Variants in POU6F2 observed in about 807,000 individuals in gnomAD.
POU6F2 encodes the protein POU domain, class 6, transcription factor 2.
POU6F2 carries 31 observed loss-of-function variants against 71.3 expected under a neutral mutation model. The observed-to-expected ratio is 0.43, with a 90% CI of 0.33 to 0.59. The LOEUF is 0.59. POU6F2 is among the 20% of genes least tolerant of loss of function. The pLI is 0.04. For missense variants in POU6F2, 783 were observed against 856.8 expected (o/e 0.91, Z 1.07); for synonymous variants, 347 against 355.7 (o/e 0.98, Z 0.27).
intron 2 of POU6F2, among the ~76,000 whole-genome samples, chr7:39,154,247 C>G (rs1792817748): frequency 6.6e-6 from 1 of 152,162 alleles, no homozygotes; most frequent in East Asian, 1.9e-4. Flanking sequence ...TGCTGGGCAT[C>G]TAAGACAGTA....
Position 39,085,864 on chromosome 7 carries a change from C to T in POU6F2, c.110C>T (p.Pro37Leu). Residue 37 changes from proline (P) to leucine (L), a missense_variant, in exon 2 of 10, where the codon CCA (proline) becomes CTA (leucine). Physicochemically the swap from Pro to Leu is moderately conservative, Grantham distance 98. Around this residue, in one of 2 missense-constraint regions of POU6F2, gnomAD observed 572 missense variants for 572.9 expected, o/e 1.00. Coordinates refer to ENST00000518318, the MANE Select transcript of POU6F2 (RefSeq NM_001370959.1). ...GTMQAVIGQD[P>L]MIAGQVSKPL... is the part of the protein sequence containing the mutation. ...CACTCTTTTCGCCCATCCTAGGATC[C>T]AATGATAGCTGGACAAGTCAGTAAG... 1.2e-6 allele frequency: 2 copies of T among 1,613,284 alleles called. No individual in the cohort carries two copies. The highest frequency in any genetic ancestry group is 1.7e-6 in the Non-Finnish European group (2 of 1,179,644).
rs896885810 is a variant in POU6F2, at chr7:39,466,242, A to T, written c.*1556A>T. 7.9e-5 allele frequency: 12 copies of T among 152,210 alleles called. No homozygotes were observed. The highest frequency in any genetic ancestry group is 7.2e-5 in the African/African-American group (3 of 41,452). 9.4% of individuals were successfully genotyped at this position (152,210 alleles called of 1,614,324 possible). A position where few individuals can be genotyped will look rare whatever the true frequency, so the allele number is the denominator to read the frequency against. On this transcript the variant is annotated 3_prime_UTR_variant, in exon 10 of 10. Coordinates refer to ENST00000518318, the MANE Select transcript of POU6F2 (RefSeq NM_001370959.1). ...AAAATATAGAAGGGGCTTATCTAAC[A>T]ATCAGAATAGCCTGCAATATGAGAA...
chr7:39,360,937 T>C (rs1786375637), intron 5 of POU6F2, among the ~76,000 whole-genome samples: 1 of 152,174 alleles, frequency 6.6e-6, no homozygotes, highest in Non-Finnish European at 1.5e-5. Context: ...CTGCAACCTG[T>C]TTTATCAGCA....
At chr7:39,138,171 A>G (rs1237506897) in intron 2 of POU6F2, among the ~76,000 whole-genome samples, 1 of 152,274 alleles carries the variant, frequency 6.6e-6, no homozygotes, top group Non-Finnish European at 1.5e-5. Context: ...TTATGAAACT[A>G]TAAAATGAGA....
intron 1 of POU6F2, among the ~76,000 whole-genome samples, chr7:39,019,754 T>C (rs1584503231): frequency 1.3e-5 from 2 of 152,236 alleles, no homozygotes; most frequent in Middle Eastern, 6.8e-3. Flanking sequence ...TTCAAAAACC[T>C]TTGCTCCTTT....
At chr7:38,990,417 T>G (rs1788574482) in intron 1 of POU6F2, among the ~76,000 whole-genome samples, 2 of 152,162 alleles carry the variant, frequency 1.3e-5, no homozygotes, top group East Asian at 3.9e-4. Context: ...TAGTTTGAAA[T>G]GTTCACAAAA....
chr7:39,387,659 G>T (rs1287668631), intron 5 of POU6F2, among the ~76,000 whole-genome samples: 6 of 152,226 alleles, frequency 3.9e-5, no homozygotes, highest in Non-Finnish European at 5.9e-5. Flanking sequence ...CAGTTATTCA[G>T]CTTTGTCCAT....
At chr7:39,065,911 TA>T (rs936115706) in intron 1 of POU6F2, among the ~76,000 whole-genome samples, 2 of 151,620 alleles carry the variant, frequency 1.3e-5, no homozygotes, top group East Asian at 1.9e-4. Context: ...ATTCCAGAGA[TA>T]AAAAAATATT....
At chr7:39,461,173 G>A (rs1224692431) in intron 9 of POU6F2, among the ~76,000 whole-genome samples, 2 of 152,156 alleles carry the variant, frequency 1.3e-5, no homozygotes, top group African/African-American at 4.8e-5. Flanking sequence ...ACTATCTTGT[G>A]ACCTTGAAGG....
intron 1 of POU6F2, among the ~76,000 whole-genome samples, chr7:39,080,295 G>A (rs760035633): frequency 1.3e-5 from 2 of 152,084 alleles, no homozygotes; most frequent in African/African-American, 2.4e-5. Flanking sequence ...TTTTCTTCAT[G>A]ACTAAGGTAA....
At chr7:39,268,024 C>T (rs950317267) in intron 4 of POU6F2, among the ~76,000 whole-genome samples, 1 of 152,162 alleles carries the variant, frequency 6.6e-6, no homozygotes, top group East Asian at 1.9e-4. Flanking sequence ...CCACAGCAAT[C>T]CCACAGACAA....
At chr7:39,323,524 G>C (rs972471651) in intron 4 of POU6F2, among the ~76,000 whole-genome samples, 2 of 152,134 alleles carry the variant, frequency 1.3e-5, no homozygotes, top group Non-Finnish European at 2.9e-5. Flanking sequence ...TCTACCTCTG[G>C]ACTAGAAGTG....
chr7:39,130,460 G>A (rs1792246539), intron 2 of POU6F2, among the ~76,000 whole-genome samples: 1 of 152,140 alleles, frequency 6.6e-6, no homozygotes, highest in Non-Finnish European at 1.5e-5. Context: ...AAATTCACTT[G>A]AGAGAAGCTA....
At chr7:39,445,809 A>G (rs2116092263) in intron 7 of POU6F2, among the ~76,000 whole-genome samples, 1 of 152,298 alleles carries the variant, frequency 6.6e-6, no homozygotes, top group South Asian at 2.1e-4. Context: ...CTAGTTAATC[A>G]AAGTTCTTAT....
At chr7:39,025,584 A>T (rs1419699426) in intron 1 of POU6F2, among the ~76,000 whole-genome samples, 1 of 152,222 alleles carries the variant, frequency 6.6e-6, no homozygotes, top group Middle Eastern at 3.4e-3. Context: ...CTTACACCTT[A>T]TACAAAAATT....
At chr7:39,172,912 C>T (rs62442234) in intron 2 of POU6F2, among the ~76,000 whole-genome samples, 8 of 150,088 alleles carry the variant, frequency 5.3e-5, no homozygotes, top group Non-Finnish European at 7.4e-5. Context: ...CGTGTGCCAT[C>T]GTGCCTGGCC....
intron 6 of POU6F2, among the ~76,000 whole-genome samples, chr7:39,414,905 C>T (rs903747317): frequency 6.6e-6 from 1 of 152,134 alleles, no homozygotes; most frequent in Non-Finnish European, 1.5e-5. Flanking sequence ...TTGCAGGATT[C>T]TCTCTGAAGA....
intron 1 of POU6F2, among the ~76,000 whole-genome samples, chr7:39,041,915 C>T (rs189119343): frequency 7.2e-5 from 11 of 151,930 alleles, no homozygotes; most frequent in South Asian, 2.1e-4. Flanking sequence ...TTTCACCATG[C>T]GAGGAGGATT....
intron 4 of POU6F2, among the ~76,000 whole-genome samples, chr7:39,280,041 A>G (rs1784532377): frequency 6.6e-6 from 1 of 152,090 alleles, no homozygotes; most frequent in Admixed American, 6.6e-5. Context: ...CTCCGTGCCC[A>G]GCCCAAATTT....
Sources: gnomAD v4.1 joint callset for allele counts (sites outside exome capture counted in the v4.1 genomes callset) on GRCh38, gnomAD v4.1.1 for gene constraint, gnomAD v4.1.1 regional missense constraint, MANE v1.5 for transcripts, NCBI Gene and HGNC (gene_info 2026-07-23, HGNC 2026-07-21) for gene names.